Variants in CCR5AS observed in about 807,000 individuals in gnomAD.
CCR5AS encodes the protein CCR5 antisense RNA.
At chr3:46,404,392 T>A (rs1025621310) in intron 1 of CCR5AS, among the ~76,000 whole-genome samples, 10 of 142,640 alleles carry the variant, frequency 7.0e-5, no homozygotes, top group African/African-American at 2.6e-4. Context: ...CGGAGTGCAG[T>A]GGCACAATCT....
chr3:46,381,341 C>T (rs1701814812), intron 2 of CCR5AS, among the ~76,000 whole-genome samples: 1 of 152,162 alleles, frequency 6.6e-6, no homozygotes, highest in Admixed American at 6.5e-5. Context: ...AAGCATTATT[C>T]CTGAAGAACT....
chr3:46,375,227 G>A (rs1467319577), intron 2 of CCR5AS: 1 of 166,976 alleles, frequency 6.0e-6, no homozygotes, highest in African/African-American at 2.4e-5. Flanking sequence ...GAAATACTGA[G>A]GGGTCTCCAG....
chr3:46,375,578 C>A (rs41442546), intron 2 of CCR5AS: 4,240 of 165,984 alleles, frequency 0.026, 77 homozygotes, highest in Non-Finnish European at 0.042. Context: ...GGGGAAGGGA[C>A]ATATTCATTT....
intron 1 of CCR5AS, among the ~76,000 whole-genome samples, chr3:46,402,128 C>T (rs1248873667): frequency 6.6e-6 from 1 of 152,152 alleles, no homozygotes; most frequent in African/African-American, 2.4e-5. Context: ...GGAATAAACT[C>T]AACATGCATT....
At chr3:46,376,360 T>C (rs1701758055) in intron 2 of CCR5AS, among the ~76,000 whole-genome samples, 1 of 152,228 alleles carries the variant, frequency 6.6e-6, no homozygotes, top group Admixed American at 6.5e-5. Context: ...TTTTGTATTT[T>C]CTTTTAAATA....
At chr3:46,397,940 A>C (rs536738245) in intron 1 of CCR5AS, among the ~76,000 whole-genome samples, 172 of 152,342 alleles carry the variant, frequency 1.1e-3, no homozygotes, top group African/African-American at 3.0e-3. Flanking sequence ...ATGCATCAAA[A>C]AGGCCATGTC....
chr3:46,389,331 C>T (rs1169207906), intron 2 of CCR5AS, among the ~76,000 whole-genome samples: 1 of 152,090 alleles, frequency 6.6e-6, no homozygotes, highest in Non-Finnish European at 1.5e-5. Context: ...TGGGGAGGGT[C>T]GTGCAGACGG....
In CCR5AS at chr3:46,403,311, A is replaced by T. The variant is rs142148643; in HGVS notation, n.163+3586T>A. On this transcript the variant is annotated intron_variant and non_coding_transcript_variant, in intron 1 of 3. Transcript: ENST00000451485. ...GATCTAATACCTATTTCTCAAGATC[A>T]AGTTAGATCTCTAAAAAAGGCATCA... Among the ~76,000 whole-genome samples the T allele has an allele frequency of 6.5e-3, 996 of 152,332 alleles. 12 individuals are homozygous for T. Among genetic ancestry groups the T allele is most frequent in the African/African-American group, 0.023 (952 of 41,568 alleles).
At chr3:46,371,177 C>T (rs895176805) in intron 3 of CCR5AS, 2 of 152,140 alleles carry the variant, frequency 1.3e-5, no homozygotes, top group African/African-American at 4.8e-5. Context: ...ATCAAAGATA[C>T]AAAACATGAT....
intron 1 of CCR5AS, among the ~76,000 whole-genome samples, chr3:46,393,691 G>C (rs1701935905): frequency 6.6e-6 from 1 of 152,212 alleles, no homozygotes; most frequent in Non-Finnish European, 1.5e-5. Context: ...AGAGTATGCA[G>C]ATAGGAGCCA....
intron 2 of CCR5AS, chr3:46,374,223 A>G: frequency 3.0e-6 from 1 of 333,408 alleles, no homozygotes; most frequent in Non-Finnish European, 5.7e-6. Flanking sequence ...GCATCAAGTT[A>G]TTGACAAACT....
At chr3:46,373,972 A>G (rs1193915539) in intron 2 of CCR5AS, 2 of 1,543,200 alleles carry the variant, frequency 1.3e-6, no homozygotes, top group South Asian at 1.2e-5. Context: ...CACGGACTCA[A>G]GTGGGCTGGT....
intron 2 of CCR5AS, among the ~76,000 whole-genome samples, chr3:46,380,989 A>G (rs1199614421): frequency 1.3e-5 from 2 of 152,018 alleles, no homozygotes; most frequent in Non-Finnish European, 2.9e-5. Flanking sequence ...TTCATAACAG[A>G]ACATTCCCCA....
intron 2 of CCR5AS, chr3:46,392,729 G>T (rs1559574671): frequency 6.5e-6 from 1 of 152,972 alleles, no homozygotes; most frequent in Non-Finnish European, 1.5e-5. Context: ...TGTCTCCTTT[G>T]TCTCTACTAG....
intron 2 of CCR5AS, chr3:46,373,028 CTTTGGTT>C: frequency 1.2e-6 from 2 of 1,614,172 alleles, no homozygotes; most frequent in Non-Finnish European, 1.7e-6. Context: ...TGGTGTTCAT[CTTTGGTT>C]TTGTGGGCAA....
chr3:46,365,422 C>T (rs767414352), intron 3 of CCR5AS, among the ~76,000 whole-genome samples: 48 of 152,194 alleles, frequency 3.2e-4, no homozygotes, highest in Admixed American at 8.5e-4. Flanking sequence ...AAGGTATGCA[C>T]ATTGGTTTTT....
intron 2 of CCR5AS, among the ~76,000 whole-genome samples, chr3:46,391,746 G>T (rs1701915809): frequency 6.6e-6 from 1 of 152,178 alleles, no homozygotes; most frequent in Non-Finnish European, 1.5e-5. Context: ...TGTGAGGAGA[G>T]AAGGTGACCA....
At chr3:46,371,732 T>C (rs1396671914) in intron 2 of CCR5AS, among the ~76,000 whole-genome samples, 1 of 152,018 alleles carries the variant, frequency 6.6e-6, no homozygotes, top group Non-Finnish European at 1.5e-5. Context: ...TATTATATTA[T>C]TTCTTGGGTA....
intron 1 of CCR5AS, among the ~76,000 whole-genome samples, chr3:46,395,842 G>C (rs748562884): frequency 2.0e-5 from 3 of 152,166 alleles, no homozygotes; most frequent in Non-Finnish European, 2.9e-5. Context: ...ACCAGATAGG[G>C]AAGGGGCCCT....
Sources: allele counts gnomAD v4.1 joint callset (sites outside exome capture counted in the v4.1 genomes callset), GRCh38; gene constraint gnomAD v4.1.1; transcripts MANE v1.5; gene names NCBI Gene and HGNC (gene_info 2026-07-23, HGNC 2026-07-21).